The following PRKN variants were observed in gnomAD, a reference collection of about 807,000 sequenced individuals.
PRKN encodes the protein parkin RBR E3 ubiquitin protein ligase, also known as E3 ubiquitin-protein ligase parkin.
PRKN carries 56 observed loss-of-function variants against 59.5 expected under a neutral mutation model. The ratio of observed to expected loss-of-function variants is 0.94; its 90% CI spans 0.76 to 1.18. The LOEUF (loss-of-function observed/expected upper bound fraction) is 1.18. Among genes scored for constraint, PRKN ranks in the 50% most tolerant of loss-of-function variants. The pLI, the probability that PRKN is intolerant of heterozygous loss-of-function variation, is 0.00. For missense variants in PRKN, 657 were observed against 596.4 expected (o/e 1.10, Z -1.06); for synonymous variants, 250 against 222.1 (o/e 1.13, Z -1.12).
chr6:161,955,551 T>C (rs192969478), intron 6 of PRKN, among the ~76,000 whole-genome samples: 138 of 152,324 alleles, frequency 9.1e-4, no homozygotes, highest in African/African-American at 3.2e-3. Flanking sequence ...GAAGGGTTTG[T>C]ATTAAAATTT....
intron 1 of PRKN, among the ~76,000 whole-genome samples, chr6:162,567,775 T>C (rs1340555290): frequency 6.6e-6 from 1 of 152,110 alleles, no homozygotes; most frequent in Non-Finnish European, 1.5e-5. Context: ...TCCTAAAAGT[T>C]ACATGGCACC....
At chr6:161,739,972 C>G (rs1215133817) in intron 7 of PRKN, among the ~76,000 whole-genome samples, 1 of 152,138 alleles carries the variant, frequency 6.6e-6, no homozygotes, top group African/African-American at 2.4e-5. Context: ...CCCGGCTGGT[C>G]TCGAACTCCT....
intron 4 of PRKN, among the ~76,000 whole-genome samples, chr6:162,186,433 G>T (rs1475171055): frequency 1.3e-5 from 2 of 150,834 alleles, no homozygotes; most frequent in East Asian, 2.0e-4. Context: ...TTGGTTTGTT[G>T]GAGTGAGTGG....
chr6:161,666,022 T>C (rs1328068164), intron 7 of PRKN, among the ~76,000 whole-genome samples: 1 of 152,206 alleles, frequency 6.6e-6, no homozygotes, highest in African/African-American at 2.4e-5. Flanking sequence ...CTGCATCGCC[T>C]GGATTCCATC....
chr6:162,413,334 C>T (rs1788441684), intron 2 of PRKN, among the ~76,000 whole-genome samples: 1 of 152,110 alleles, frequency 6.6e-6, no homozygotes, highest in Admixed American at 6.6e-5. Context: ...GAGCTACAAG[C>T]ATGAGTTATG....
intron 9 of PRKN, among the ~76,000 whole-genome samples, chr6:161,430,346 C>G (rs148606095): frequency 3.3e-5 from 5 of 152,202 alleles, no homozygotes; most frequent in Non-Finnish European, 7.3e-5. Context: ...CACTATTACA[C>G]TGACAATTGA....
chr6:162,576,866 G>A (rs550636664), intron 1 of PRKN, among the ~76,000 whole-genome samples: 1 of 147,230 alleles, frequency 6.8e-6, no homozygotes, highest in Non-Finnish European at 1.5e-5. Flanking sequence ...AATAAAAGAC[G>A]AATTGAGAGC....
intron 1 of PRKN, among the ~76,000 whole-genome samples, chr6:162,450,405 A>C (rs9356022): frequency 9.7e-5 from 12 of 123,642 alleles, no homozygotes; most frequent in African/African-American, 3.7e-4. Flanking sequence ...AAACGCCCCT[A>C]TGATTGTAAC....
chr6:161,623,948 T>A (rs1207515750), intron 7 of PRKN, among the ~76,000 whole-genome samples: 3 of 152,222 alleles, frequency 2.0e-5, no homozygotes, highest in Non-Finnish European at 4.4e-5. Context: ...TAAAGGGTCA[T>A]CTAATATTTG....
rs143235417 is a variant in PRKN at position 161,369,360 on chromosome 6, C to T, written c.1168-9155G>A. Among the ~76,000 whole-genome samples the T allele has an allele frequency of 1.3e-5, 2 of 152,038 alleles. No homozygotes were observed. Among genetic ancestry groups the T allele is most frequent in the African/African-American group, 4.8e-5 (2 of 41,408 alleles). On this transcript the variant is annotated intron_variant, in intron 10 of 11. Coordinates refer to ENST00000366898, the MANE Select transcript of PRKN (RefSeq NM_004562.3). This position sits in a 1 kb window ranked among gnomAD's most constrained non-coding sequence, Gnocchi z 5.8. Reference sequence around the variant, plus strand: ...TCCCTAAAAATGCCCTAAGGGGTTGCGAGGGGCGGGAGGTTTGGGAACCAT... The same window carrying T: ...TCCCTAAAAATGCCCTAAGGGGTTGTGAGGGGCGGGAGGTTTGGGAACCAT...
At chr6:161,403,361 C>T (rs192363251) in intron 9 of PRKN, among the ~76,000 whole-genome samples, 562 of 152,294 alleles carry the variant, frequency 3.7e-3, no homozygotes, top group Non-Finnish European at 6.3e-3. Context: ...TAACAATGAT[C>T]TAACTCCTTA....
At chr6:162,110,592 A>C (rs1244038972) in intron 4 of PRKN, among the ~76,000 whole-genome samples, 1 of 152,226 alleles carries the variant, frequency 6.6e-6, no homozygotes, top group Non-Finnish European at 1.5e-5. Flanking sequence ...CAGAAATAGA[A>C]ATGAATCCTT....
chr6:161,604,964 A>G (rs1782226244), intron 7 of PRKN, among the ~76,000 whole-genome samples: 1 of 152,184 alleles, frequency 6.6e-6, no homozygotes, highest in Admixed American at 6.5e-5. Flanking sequence ...CACATTCTTA[A>G]GAGACACCAT....
At position 162,457,650 on chromosome 6, in the gene PRKN, G is replaced by A. The variant is rs113813819; in HGVS notation, c.8-14177C>T. Among the ~76,000 whole-genome samples, 588 of 152,198 alleles carry A rather than the reference G, an allele frequency of 3.9e-3. 7 individuals are homozygous for A. The highest frequency in any genetic ancestry group is 0.013 in the African/African-American group (550 of 41,512). On this transcript the variant is annotated intron_variant, in intron 1 of 11. Transcript: ENST00000366898. ...AAAATCCCAAACTTAAGAGTCAGGC[G>A]TTGAAACCAAATAGCCATTCAGTGA...
intron 1 of PRKN, among the ~76,000 whole-genome samples, chr6:162,646,722 C>T (rs940015954): frequency 6.6e-6 from 1 of 152,138 alleles, no homozygotes; most frequent in African/African-American, 2.4e-5. Context: ...GCTGGTATAG[C>T]CTACTACACA....
At chr6:161,722,983 C>T (rs1373938574) in intron 7 of PRKN, among the ~76,000 whole-genome samples, 1 of 152,056 alleles carries the variant, frequency 6.6e-6, no homozygotes, top group African/African-American at 2.4e-5. Context: ...AAACAGTGCA[C>T]GCTGGCTGGG....
At position 161,561,393 on chromosome 6, in the gene PRKN, A is replaced by G. The variant is rs1780448770; in HGVS notation, c.933+7962T>C. 6.6e-6 allele frequency among the ~76,000 whole-genome samples: 1 copy of G among 152,176 alleles called. No homozygotes were observed. ...GCCATCCATACTTTATATTTCACTG[A>G]GGAGAGAGGAATCATGGCTGATGTC... On this transcript the variant is annotated intron_variant, in intron 8 of 11. Transcript: ENST00000366898. The surrounding 1 kb of genome is among the most constrained non-coding windows in gnomAD (Gnocchi z 5.0).
intron 1 of PRKN, among the ~76,000 whole-genome samples, chr6:162,704,449 T>C (rs1465896510): frequency 6.6e-6 from 1 of 152,152 alleles, no homozygotes; most frequent in Non-Finnish European, 1.5e-5. Context: ...TTGGGTTTCT[T>C]TAAAAAATAA....
At chr6:162,427,537 C>A (rs1284935016) in intron 2 of PRKN, among the ~76,000 whole-genome samples, 1 of 151,908 alleles carries the variant, frequency 6.6e-6, no homozygotes. Context: ...TATGATTGAA[C>A]AAATATGTTC....
Sources: gnomAD v4.1 joint callset for allele counts (sites outside exome capture counted in the v4.1 genomes callset) on GRCh38, gnomAD v4.1.1 for gene constraint, Gnocchi (gnomAD v3.1) non-coding constraint, MANE v1.5 for transcripts, NCBI Gene and HGNC (gene_info 2026-07-23, HGNC 2026-07-21) for gene names.